MAGI2: variants seen among roughly 807,000 people sequenced by gnomAD.
The protein encoded by MAGI2 is membrane associated guanylate kinase, WW and PDZ domain containing 2.
Under a neutral mutation model 133.3 loss-of-function variants are expected in MAGI2, and 35 were observed. The observed-to-expected ratio is 0.26, with a 90% CI of 0.20 to 0.35. The LOEUF (loss-of-function observed/expected upper bound fraction) is 0.35, where lower values mean the gene tolerates loss of function less well. MAGI2 is among the 10% of genes least tolerant of loss of function. The pLI is 1.00. For missense variants in MAGI2, 1,636 were observed against 1,863.4 expected (o/e 0.88, Z 2.25); for synonymous variants, 729 against 710.6 (o/e 1.03, Z -0.41).
chr7:78,632,678 G>C (rs1584910357), intron 2 of MAGI2, among the ~76,000 whole-genome samples: 1 of 152,152 alleles, frequency 6.6e-6, no homozygotes, highest in Non-Finnish European at 1.5e-5. Flanking sequence ...GCAGTGCATG[G>C]TGTGTTCCAA....
At chr7:78,900,810 T>A (rs1175233836) in intron 2 of MAGI2, among the ~76,000 whole-genome samples, 2 of 152,168 alleles carry the variant, frequency 1.3e-5, no homozygotes, top group Admixed American at 1.3e-4. Context: ...TGCAGCTGTA[T>A]ACCCAGCATA....
intron 2 of MAGI2, among the ~76,000 whole-genome samples, chr7:78,703,038 C>A (rs1585134098): frequency 6.6e-6 from 1 of 151,732 alleles, no homozygotes; most frequent in Non-Finnish European, 1.5e-5. Context: ...TGGGAGGTAA[C>A]TAAGCAAGGG....
chr7:79,115,108 G>A (rs141376881), intron 1 of MAGI2, among the ~76,000 whole-genome samples: 151 of 152,264 alleles, frequency 9.9e-4, no homozygotes, highest in African/African-American at 3.2e-3. Context: ...CAAGAGGATC[G>A]GGGGAGGAAG....
chr7:78,090,252 T>A (rs771430298), intron 20 of MAGI2, among the ~76,000 whole-genome samples: 1 of 152,236 alleles, frequency 6.6e-6, no homozygotes, highest in Admixed American at 6.5e-5. Context: ...ACACTGCCTG[T>A]TAGTCTAGGT....
chr7:78,821,582 T>C (rs1214995928), intron 2 of MAGI2, among the ~76,000 whole-genome samples: 1 of 152,050 alleles, frequency 6.6e-6, no homozygotes, highest in African/African-American at 2.4e-5. Context: ...CAACTTTTAA[T>C]ATTTTTAAAA....
At chr7:79,093,714 C>CTTTTTTTTTTTTTTTTTTTTTTT (rs369075503) in intron 1 of MAGI2, among the ~76,000 whole-genome samples, 2 of 113,304 alleles carry the variant, frequency 1.8e-5, no homozygotes, top group African/African-American at 3.3e-5. Context: ...CTTTTCTTTT[C>CTTTTTTTTTTTTTTTTTTTTTTT]TTTTTTTTTT....
intron 9 of MAGI2, among the ~76,000 whole-genome samples, chr7:78,302,608 G>A (rs1195982960): frequency 2.0e-5 from 3 of 152,108 alleles, no homozygotes; most frequent in Non-Finnish European, 2.9e-5. Context: ...TCTTATGGCT[G>A]CCATCCATCC....
chr7:78,392,585 C>A (rs1489226178), intron 6 of MAGI2, among the ~76,000 whole-genome samples: 1 of 152,100 alleles, frequency 6.6e-6, no homozygotes, highest in Admixed American at 6.6e-5. Context: ...AAAAGAGGAA[C>A]AACATAATTG....
At chr7:78,435,280 G>T (rs1800173657) in intron 6 of MAGI2, among the ~76,000 whole-genome samples, 1 of 152,114 alleles carries the variant, frequency 6.6e-6, no homozygotes, top group South Asian at 2.1e-4. Context: ...TCATTGAACA[G>T]ATATACTTTA....
chr7:78,559,938 G>C (rs1373024085), intron 3 of MAGI2, among the ~76,000 whole-genome samples: 3 of 151,694 alleles, frequency 2.0e-5, no homozygotes, highest in Non-Finnish European at 4.4e-5. Context: ...AATGAGAAAA[G>C]AATAAGAAAA....
At chr7:78,245,561 G>A (rs1791677588) in intron 10 of MAGI2, among the ~76,000 whole-genome samples, 1 of 152,170 alleles carries the variant, frequency 6.6e-6, no homozygotes, top group African/African-American at 2.4e-5. Flanking sequence ...CAGAAACCCT[G>A]TAGAGCACAG....
At chr7:78,857,668 AG>A (rs1793776243) in intron 2 of MAGI2, among the ~76,000 whole-genome samples, 1 of 152,184 alleles carries the variant, frequency 6.6e-6, no homozygotes, top group Non-Finnish European at 1.5e-5. Flanking sequence ...TATTTTACTG[AG>A]GATATTTACA....
At chr7:78,693,338 T>G (rs1454878665) in intron 2 of MAGI2, among the ~76,000 whole-genome samples, 1 of 152,140 alleles carries the variant, frequency 6.6e-6, no homozygotes, top group East Asian at 1.9e-4. Flanking sequence ...ACTTCTATTA[T>G]TTTCTCTACT....
chr7:78,523,674 G>A (rs1796703942), intron 3 of MAGI2, among the ~76,000 whole-genome samples: 1 of 151,964 alleles, frequency 6.6e-6, no homozygotes, highest in African/African-American at 2.4e-5. Flanking sequence ...AACACAGGAG[G>A]AACTACCAAA....
chr7:78,903,300 TCTC>T (rs1252585532), intron 2 of MAGI2, among the ~76,000 whole-genome samples: 2 of 147,638 alleles, frequency 1.4e-5, no homozygotes, highest in Non-Finnish European at 3.0e-5. Flanking sequence ...TTCACGCCAT[TCTC>T]CTGCCTCAGC....
chr7:78,289,026 C>G, intron 9 of MAGI2, among the ~76,000 whole-genome samples: 1 of 152,166 alleles, frequency 6.6e-6, no homozygotes, highest in East Asian at 1.9e-4. Flanking sequence ...GCTGAAAATT[C>G]TAAGAATCAG....
rs79641386 is a variant in MAGI2, at chr7:78,315,850, A to C, written c.1408+27928T>G. ...TATAAACATGTTCTTCATTTACAGG[A>C]AGAACTGTGGTCATCTTTGTCTCTC... On this transcript the variant is annotated intron_variant, in intron 9 of 21. Transcript: ENST00000354212. 3.5e-3 allele frequency among the ~76,000 whole-genome samples: 533 copies of C among 152,292 alleles called. 1 individual carries two copies. The highest frequency in any genetic ancestry group is 0.012 in the African/African-American group (517 of 41,574).
chr7:78,978,306 T>G (rs1804474075), intron 2 of MAGI2, among the ~76,000 whole-genome samples: 1 of 151,812 alleles, frequency 6.6e-6, no homozygotes, highest in Non-Finnish European at 1.5e-5. Flanking sequence ...CAAACTATGG[T>G]GCACACATAT....
At chr7:78,642,660 A>G (rs1181224039) in intron 2 of MAGI2, among the ~76,000 whole-genome samples, 1 of 152,204 alleles carries the variant, frequency 6.6e-6, no homozygotes, top group Non-Finnish European at 1.5e-5. Context: ...TTTTTTATGT[A>G]TATAATATTC....
Sources: allele counts gnomAD v4.1 joint callset (sites outside exome capture counted in the v4.1 genomes callset), GRCh38; gene constraint gnomAD v4.1.1; transcripts MANE v1.5; gene names NCBI Gene and HGNC (gene_info 2026-07-23, HGNC 2026-07-21).